LRP1B: variants seen among roughly 807,000 people sequenced by gnomAD.
LRP1B encodes LDL receptor related protein 1B.
LRP1B carries 217 observed loss-of-function variants against 556.6 expected under a neutral mutation model. That is an observed-to-expected ratio of 0.39 (90% CI 0.35 to 0.44). The LOEUF is 0.44. Among genes scored for constraint, LRP1B ranks in the 20% least tolerant of loss-of-function variants. The pLI is 1.00. For missense variants in LRP1B, 5,053 were observed against 5,620.8 expected (o/e 0.90, Z 3.23); for synonymous variants, 2,047 against 1,865.8 (o/e 1.10, Z -2.50).
chr2:141,659,303 A>G lies in LRP1B; in HGVS notation c.205+150976T>C, dbSNP rs529594559. Among the ~76,000 whole-genome samples, 23 of 152,318 alleles carry G rather than the reference A, an allele frequency of 1.5e-4. 1 individual carries two copies. The South Asian group carries it at 3.1e-3, about 21-fold the overall frequency. ...TTTCTGGTCATAAGGTCTCTGTTGC[A>G]AACAGTCAGCTCTGCCATTGTATCA... is the stretch of plus-strand genomic sequence containing the variant. On this transcript the variant is annotated intron_variant, in intron 2 of 90. Transcript: ENST00000389484.
intron 18 of LRP1B, among the ~76,000 whole-genome samples, chr2:140,956,685 C>T (rs956214402): frequency 2.0e-5 from 3 of 151,512 alleles, no homozygotes; most frequent in South Asian, 2.1e-4. Context: ...AAATTGTCAT[C>T]GTTTTGCCAC....
At chr2:140,527,877 C>T (rs1384742218) in intron 47 of LRP1B, among the ~76,000 whole-genome samples, 1 of 151,898 alleles carries the variant, frequency 6.6e-6, no homozygotes, top group Non-Finnish European at 1.5e-5. Context: ...CGAAAGATTG[C>T]TTATAATCTC....
chr2:141,555,763 T>C (rs1180875117), intron 2 of LRP1B, among the ~76,000 whole-genome samples: 1 of 151,878 alleles, frequency 6.6e-6, no homozygotes, highest in African/African-American at 2.4e-5. Flanking sequence ...ACCTGGTGAG[T>C]GTAGAGCACT....
At chr2:142,075,850 A>C (rs1333529289) in intron 1 of LRP1B, among the ~76,000 whole-genome samples, 1 of 152,134 alleles carries the variant, frequency 6.6e-6, no homozygotes, top group Non-Finnish European at 1.5e-5. Context: ...AATCACAATC[A>C]AAACTCATGA....
chr2:140,770,170 T>A (rs767981486), intron 34 of LRP1B, among the ~76,000 whole-genome samples: 38 of 151,878 alleles, frequency 2.5e-4, no homozygotes, highest in Non-Finnish European at 4.7e-4. Flanking sequence ...AACTACCTCA[T>A]GAGGTTATGA....
At chr2:141,548,803 T>G (rs1574069167) in intron 2 of LRP1B, among the ~76,000 whole-genome samples, 1 of 152,152 alleles carries the variant, frequency 6.6e-6, no homozygotes. Flanking sequence ...CATCCAGTAT[T>G]TATGTGGTTG....
chr2:141,563,382 T>C (rs189455131), intron 2 of LRP1B, among the ~76,000 whole-genome samples: 1 of 151,556 alleles, frequency 6.6e-6, no homozygotes, highest in South Asian at 2.1e-4. Context: ...AGAGAGAAAA[T>C]AAAAGTCAGG....
intron 79 of LRP1B, among the ~76,000 whole-genome samples, chr2:140,329,724 C>G (rs1406611363): frequency 2.0e-5 from 3 of 151,662 alleles, no homozygotes; most frequent in African/African-American, 7.3e-5. Flanking sequence ...AACTACAAAC[C>G]ACTGCTCAAG....
chr2:140,406,794 T>C (rs991196886), intron 66 of LRP1B, among the ~76,000 whole-genome samples: 2 of 152,098 alleles, frequency 1.3e-5, no homozygotes, highest in Non-Finnish European at 2.9e-5. Flanking sequence ...TTTAATGCAA[T>C]TCCTATCAAA....
At chr2:141,065,051 C>T (rs1699441062) in intron 7 of LRP1B, among the ~76,000 whole-genome samples, 1 of 151,798 alleles carries the variant, frequency 6.6e-6, no homozygotes, top group Non-Finnish European at 1.5e-5. Flanking sequence ...TTAGTCTTTG[C>T]CGGAGCCATA....
chr2:142,127,609 C>A (rs1012171335), intron 1 of LRP1B, among the ~76,000 whole-genome samples: 2 of 151,936 alleles, frequency 1.3e-5, no homozygotes, highest in African/African-American at 2.4e-5. Flanking sequence ...AGATTAGCAA[C>A]CTCTTCAAAA....
chr2:140,295,037 C>G (rs926987774), intron 84 of LRP1B, among the ~76,000 whole-genome samples: 17 of 151,884 alleles, frequency 1.1e-4, no homozygotes, highest in Admixed American at 3.3e-4. Flanking sequence ...CCACTGCGCC[C>G]GGCTAGTTTT....
intron 25 of LRP1B, among the ~76,000 whole-genome samples, chr2:140,880,363 C>CT (rs762694328): frequency 6.6e-6 from 1 of 152,084 alleles, no homozygotes; most frequent in Non-Finnish European, 1.5e-5. Flanking sequence ...TTCATGGTCT[C>CT]TTTCAGGTCA....
At chr2:141,367,766 C>T (rs1486152731) in intron 3 of LRP1B, among the ~76,000 whole-genome samples, 1 of 151,980 alleles carries the variant, frequency 6.6e-6, no homozygotes, top group Non-Finnish European at 1.5e-5. Context: ...GGATTACAAG[C>T]ATGAGCCACC....
chr2:140,866,699 G>A (rs1692963121), intron 27 of LRP1B, among the ~76,000 whole-genome samples: 1 of 152,068 alleles, frequency 6.6e-6, no homozygotes, highest in South Asian at 2.1e-4. Context: ...TATCAAGGGA[G>A]AATGAACGCA....
intron 3 of LRP1B, among the ~76,000 whole-genome samples, chr2:141,299,678 CAAAT>C (rs926085754): frequency 6.6e-6 from 1 of 152,114 alleles, no homozygotes; most frequent in African/African-American, 2.4e-5. Context: ...TAAATATTCA[CAAAT>C]AAATTCAATT....
At position 140,950,268 on chromosome 2, in the gene LRP1B, T is replaced by C. The variant is rs1332570419; in HGVS notation, c.3103A>G (p.Ser1035Gly). The change falls in exon 20 of 91, where the codon AGT (serine) becomes GGT (glycine). Residue 1035 changes from serine to glycine, a missense_variant. Physicochemically the swap from Ser to Gly is moderately conservative, Grantham distance 56. Coordinates refer to ENST00000389484, the MANE Select transcript of LRP1B (RefSeq NM_018557.3). The part of the protein sequence containing the change: ...CDGDNDCGDF[S>G]DEAQINCTKE... ...GTACAATTGATCTGGGCTTCATCAC[T>C]GAAGTCCCCACAGTCATTGTCACCA... 2.5e-6 allele frequency: 4 copies of C among 1,607,066 alleles called. No individual in the cohort carries two copies. Among genetic ancestry groups the C allele is most frequent in the Non-Finnish European group, 3.4e-6 (4 of 1,177,904 alleles).
At chr2:141,102,480 AC>A (rs1363213402) in intron 7 of LRP1B, among the ~76,000 whole-genome samples, 1 of 152,080 alleles carries the variant, frequency 6.6e-6, no homozygotes, top group African/African-American at 2.4e-5. Context: ...ATATCTATCC[AC>A]CTATATCGGG....
intron 47 of LRP1B, among the ~76,000 whole-genome samples, chr2:140,533,224 C>CAT (rs146121105): frequency 0.032 from 4,898 of 151,736 alleles, 180 homozygotes; most frequent in African/African-American, 0.094. Flanking sequence ...ATGCAATATA[C>CAT]ATATATATAT....
Sources: gnomAD v4.1 joint callset for allele counts (sites outside exome capture counted in the v4.1 genomes callset) on GRCh38, gnomAD v4.1.1 for gene constraint, MANE v1.5 for transcripts, NCBI Gene and HGNC (gene_info 2026-07-23, HGNC 2026-07-21) for gene names.